The following LRRC4C variants were observed in gnomAD, a reference collection of about 807,000 sequenced individuals.
LRRC4C encodes leucine rich repeat containing 4C.
LRRC4C carries 5 observed loss-of-function variants against 33.6 expected under a neutral mutation model. That is an observed-to-expected ratio of 0.15 (90% CI 0.08 to 0.31). LRRC4C has a LOEUF of 0.31. Ranked by LOEUF, LRRC4C falls within the 10% of genes least tolerant of loss-of-function variation. The pLI is 1.00. For missense variants in LRRC4C, 560 were observed against 796.7 expected, an observed-to-expected ratio of 0.70 and a Z score of 3.58; for synonymous variants, 329 against 302.0, an observed-to-expected ratio of 1.09 and a Z score of -0.93.
intron 3 of LRRC4C, among the ~76,000 whole-genome samples, chr11:40,576,501 C>T (rs926548627): frequency 1.1e-4 from 16 of 152,228 alleles, no homozygotes; most frequent in African/African-American, 3.9e-4. Context: ...CACTAACTAA[C>T]TGATCCCTGA....
intron 1 of LRRC4C, among the ~76,000 whole-genome samples, chr11:41,314,004 C>G (rs1382116863): frequency 1.3e-5 from 2 of 152,102 alleles, no homozygotes; most frequent in African/African-American, 4.8e-5. Flanking sequence ...TTAAGAAACA[C>G]TAATGCCTTC....
intron 2 of LRRC4C, among the ~76,000 whole-genome samples, chr11:40,926,555 G>A (rs1482852445): frequency 6.6e-6 from 1 of 152,070 alleles, no homozygotes; most frequent in African/African-American, 2.4e-5. Flanking sequence ...ATGTATTCCT[G>A]TTACTCTAAT....
At chr11:41,019,302 A>G (rs1349464532) in intron 1 of LRRC4C, among the ~76,000 whole-genome samples, 3 of 152,166 alleles carry the variant, frequency 2.0e-5, no homozygotes, top group Admixed American at 2.0e-4. Flanking sequence ...TAGTTTGCTT[A>G]GGAGGATGGC....
chr11:41,117,457 T>A (rs1942193521), intron 1 of LRRC4C, among the ~76,000 whole-genome samples: 1 of 152,166 alleles, frequency 6.6e-6, no homozygotes, highest in Admixed American at 6.5e-5. Flanking sequence ...TTAATACAAA[T>A]GTCATTCTGT....
intron 2 of LRRC4C, among the ~76,000 whole-genome samples, chr11:40,830,192 C>T (rs187661155): frequency 6.6e-4 from 100 of 152,176 alleles, no homozygotes; most frequent in African/African-American, 2.3e-3. Flanking sequence ...TCAATAACTG[C>T]GGTTGAATAT....
chr11:41,302,769 G>T (rs1001325065), intron 1 of LRRC4C, among the ~76,000 whole-genome samples: 1 of 152,102 alleles, frequency 6.6e-6, no homozygotes. Flanking sequence ...ATTCTAAGTT[G>T]TTCATAATTT....
chr11:41,072,002 C>A (rs191123457), intron 1 of LRRC4C, among the ~76,000 whole-genome samples: 1 of 151,998 alleles, frequency 6.6e-6, no homozygotes, highest in Non-Finnish European at 1.5e-5. Context: ...TGAATTGCTG[C>A]AATTTCATAA....
chr11:41,087,221 C>T (rs1215752093), intron 1 of LRRC4C, among the ~76,000 whole-genome samples: 1 of 152,064 alleles, frequency 6.6e-6, no homozygotes, highest in Non-Finnish European at 1.5e-5. Flanking sequence ...TTCCCCATTC[C>T]TACTGCCAAT....
At chr11:40,891,934 G>C (rs1051634400) in intron 2 of LRRC4C, among the ~76,000 whole-genome samples, 3 of 151,952 alleles carry the variant, frequency 2.0e-5, no homozygotes, top group African/African-American at 4.8e-5. Flanking sequence ...AGGAGATCGA[G>C]ACCATCCTGG....
intron 4 of LRRC4C, among the ~76,000 whole-genome samples, chr11:40,303,378 T>C (rs762742375): frequency 6.6e-6 from 1 of 152,200 alleles, no homozygotes; most frequent in Admixed American, 6.5e-5. Flanking sequence ...TATAATGAAG[T>C]ACTCCCTCAA....
intron 2 of LRRC4C, among the ~76,000 whole-genome samples, chr11:40,856,396 T>C (rs1438614914): frequency 1.3e-5 from 2 of 152,144 alleles, no homozygotes; most frequent in Non-Finnish European, 2.9e-5. Flanking sequence ...TACGTGGGTA[T>C]GTTGCACTAT....
At chr11:41,241,569 T>A (rs10837600) in intron 1 of LRRC4C, among the ~76,000 whole-genome samples, 116,539 of 152,004 alleles carry the variant, frequency 0.77, 45,580 homozygotes, top group Admixed American at 0.85. Context: ...GGCATGAGGA[T>A]TAGGTTGAAT....
At chr11:41,082,080 G>C (rs1939617964) in intron 1 of LRRC4C, among the ~76,000 whole-genome samples, 1 of 152,164 alleles carries the variant, frequency 6.6e-6, no homozygotes, top group African/African-American at 2.4e-5. Flanking sequence ...CTCATCCCCT[G>C]AGAAGCTGCT....
At chr11:40,485,878 C>A (rs910962327) in intron 3 of LRRC4C, among the ~76,000 whole-genome samples, 20 of 151,862 alleles carry the variant, frequency 1.3e-4, no homozygotes, top group African/African-American at 3.6e-4. Flanking sequence ...TTATCCTAAG[C>A]AAACTAACAC....
chr11:40,759,962 C>CA (rs57459258), intron 2 of LRRC4C, among the ~76,000 whole-genome samples: 249 of 95,726 alleles, frequency 2.6e-3, no homozygotes, highest in South Asian at 4.6e-3. Flanking sequence ...ACAACAACAA[C>CA]AAAAAAAAAA....
intron 6 of LRRC4C, among the ~76,000 whole-genome samples, chr11:40,124,460 A>G (rs1041665878): frequency 6.6e-6 from 1 of 152,224 alleles, no homozygotes; most frequent in Admixed American, 6.5e-5. Context: ...TATACAATGA[A>G]GTTCTATTCA....
chr11:41,023,549 A>G (rs1856127718), intron 1 of LRRC4C, among the ~76,000 whole-genome samples: 2 of 151,822 alleles, frequency 1.3e-5, no homozygotes, highest in South Asian at 4.1e-4. Flanking sequence ...ACAGAATAAC[A>G]TTCTCAGCAG....
chr11:40,456,147 T>C (rs917630322), intron 3 of LRRC4C, among the ~76,000 whole-genome samples: 10 of 152,146 alleles, frequency 6.6e-5, no homozygotes, highest in African/African-American at 2.4e-4. Context: ...TTAATCAACC[T>C]CTTTAGCGTA....
chr11:41,366,183 TAGATAGATAGATAGAC>T lies in LRRC4C; in HGVS notation c.-496+93232_-496+93247del, dbSNP rs1478842346. ...GTTTGTATGTGTTTATATATCTAGATAGATAGATAGATAGACAGATAGATAGATAGATAGATAGATA... is the reference window on the plus strand; with the variant it reads ...GTTTGTATGTGTTTATATATCTAGATAGATAGATAGATAGATAGATAGATA... On this transcript the variant is annotated intron_variant, in intron 1 of 6. Coordinates refer to ENST00000528697, the MANE Select transcript of LRRC4C (RefSeq NM_001258419.2). 3.0e-3 allele frequency among the ~76,000 whole-genome samples: 414 copies of T among 137,122 alleles called. 2 individuals carry two copies. Among genetic ancestry groups the T allele is most frequent in the African/African-American group, 9.4e-3 (332 of 35,388 alleles). The allele number at this position is 137,122 out of a possible 152,430, so 90.0% of individuals were successfully genotyped here.
Sources: allele counts gnomAD v4.1 joint callset (sites outside exome capture counted in the v4.1 genomes callset), GRCh38; gene constraint gnomAD v4.1.1; transcripts MANE v1.5; gene names NCBI Gene and HGNC (gene_info 2026-07-23, HGNC 2026-07-21).